Variants in PECR observed in about 807,000 individuals in gnomAD.
The protein encoded by PECR is 2,4-dienoyl-CoA reductase-related protein.
PECR carries 30 observed loss-of-function variants against 35.3 expected under a neutral mutation model. That is an observed-to-expected ratio of 0.85 (90% CI 0.64 to 1.15). PECR has a LOEUF of 1.15. Ranked by LOEUF, PECR falls within the 50% of genes most tolerant of loss-of-function variation. The probability of loss-of-function intolerance (pLI) is 0.00; values close to 1 mark genes in which losing one functional copy is unlikely to be tolerated. For synonymous variants in PECR, 148 were observed against 138.9 expected (o/e 1.07, Z -0.46); for missense variants, 392 against 370.8 (o/e 1.06, Z -0.47).
intron 1 of PECR, among the ~76,000 whole-genome samples, chr2:216,077,051 C>A (rs1257954048): frequency 2.6e-5 from 4 of 151,538 alleles, no homozygotes; most frequent in Non-Finnish European, 5.9e-5. Flanking sequence ...ACGCACGCAC[C>A]ACCTCGCCTG....
At chr2:216,065,233 G>A in intron 3 of PECR, 79 bp downstream of exon 3, 1 of 921,102 alleles carries the variant, frequency 1.1e-6, no homozygotes, top group Non-Finnish European at 1.8e-6. Flanking sequence ...TTAATGACAT[G>A]GGGCTTCTGA....
chr2:216,069,934 C>CAAAAA (rs35689726), intron 1 of PECR, among the ~76,000 whole-genome samples: 1 of 101,300 alleles, frequency 9.9e-6, no homozygotes, highest in Admixed American at 9.5e-5. Context: ...AAGACTCTGT[C>CAAAAA]AAAAAAAAAA....
intron 3 of PECR, among the ~76,000 whole-genome samples, chr2:216,060,028 A>G (rs1020365222): frequency 1.3e-5 from 2 of 152,190 alleles, no homozygotes; most frequent in African/African-American, 4.8e-5. Flanking sequence ...TAAACACTGA[A>G]TATTTTTACA....
At chr2:216,040,644 G>A (rs763402820) in intron 7 of PECR, among the ~76,000 whole-genome samples, 5 of 152,248 alleles carry the variant, frequency 3.3e-5, no homozygotes, top group African/African-American at 4.8e-5. Context: ...CGAGGCAGGC[G>A]GATCACCTGA....
intron 1 of PECR, among the ~76,000 whole-genome samples, chr2:216,067,811 A>C (rs915749539): frequency 5.9e-5 from 9 of 152,230 alleles, no homozygotes; most frequent in African/African-American, 2.2e-4. Flanking sequence ...ATTTATAAGA[A>C]TATAAAAATA....
chr2:216,072,931 A>G (rs1327209222), intron 1 of PECR, among the ~76,000 whole-genome samples: 1 of 152,166 alleles, frequency 6.6e-6, no homozygotes, highest in East Asian at 1.9e-4. Flanking sequence ...ATTCTTTGAG[A>G]AATCTCCATA....
chr2:216,054,902 G>A (rs916071959), intron 4 of PECR, among the ~76,000 whole-genome samples: 3 of 149,240 alleles, frequency 2.0e-5, no homozygotes, highest in African/African-American at 7.4e-5. Flanking sequence ...CACAAGGTCA[G>A]GAGTTCAAGA....
chr2:216,032,970 G>C (rs1007949823), intron 7 of PECR: 2 of 152,272 alleles, frequency 1.3e-5, no homozygotes, highest in East Asian at 3.9e-4. Flanking sequence ...GCTCAGACGG[G>C]CTGGTGTTCC....
At chr2:216,049,586 T>C (rs1437277967) in intron 5 of PECR, among the ~76,000 whole-genome samples, 1 of 152,206 alleles carries the variant, frequency 6.6e-6, no homozygotes, top group Non-Finnish European at 1.5e-5. Flanking sequence ...TTTTGTGACC[T>C]CCTCTTCCTC....
In PECR at chr2:216,039,163, T is replaced by C. The variant is rs560487483; in HGVS notation, c.*112A>G. ...TTTCCATAGATATAATTAATAACACTTAAAAATAAGAAAAATGTTTTCCAT... is the reference window on the plus strand; with the variant it reads ...TTTCCATAGATATAATTAATAACACCTAAAAATAAGAAAAATGTTTTCCAT... On this transcript the variant is annotated 3_prime_UTR_variant, in exon 8 of 8. Transcript: ENST00000265322. The C allele has an allele frequency of 1.0e-4, 72 of 722,624 alleles. No homozygotes were observed. The Admixed American group carries it at 1.1e-3, about 11-fold the overall frequency. The allele number at this position is 722,624 out of a possible 1,614,324, so 44.8% of individuals were successfully genotyped here. A position where few individuals can be genotyped will look rare whatever the true frequency, so the allele number is the denominator to read the frequency against.
Position 216,081,243 on chromosome 2 carries a change from CACA to C in PECR, c.124+372_124+374del, listed in dbSNP as rs1014306602. On this transcript the variant is annotated intron_variant, in intron 1 of 7. Coordinates refer to ENST00000265322, the MANE Select transcript of PECR (RefSeq NM_018441.6). ...GATACTATGAGAGACTCACTATGTTCACAACTTTTTCCAGTTAAATGAAGTCTT... is the reference window on the plus strand; with the variant it reads ...GATACTATGAGAGACTCACTATGTTCACTTTTTCCAGTTAAATGAAGTCTT... Among the ~76,000 whole-genome samples the C allele has an allele frequency of 8.5e-5, 13 of 152,310 alleles. 1 individual carries two copies. Among genetic ancestry groups the C allele is most frequent in the South Asian group, 8.3e-4 (4 of 4,824 alleles).
chr2:216,031,671 G>T (rs796810468), intron 7 of PECR, among the ~76,000 whole-genome samples: 2 of 79,036 alleles, frequency 2.5e-5, no homozygotes, highest in African/African-American at 1.1e-4. Flanking sequence ...AAGAAAGAAA[G>T]AAAGAAAGAA....
intron 5 of PECR, 52 bp downstream of exon 5, chr2:216,051,397 G>T: frequency 9.5e-7 from 1 of 1,056,026 alleles, no homozygotes; most frequent in South Asian, 1.2e-5. Flanking sequence ...ATCACAAATG[G>T]AATCAGAAAG....
intron 1 of PECR, among the ~76,000 whole-genome samples, chr2:216,067,089 C>T (rs1218563674): frequency 1.3e-5 from 2 of 151,968 alleles, no homozygotes; most frequent in East Asian, 3.9e-4. Context: ...GAGAAAGGTT[C>T]TACACTGCAG....
In PECR at chr2:216,049,271, G is replaced by C. The variant is rs1196072530; in HGVS notation, c.706C>G (p.Pro236Ala). ...CTGGAAATATACCTTACCTCCTCAG[G>C]AACACCAATTCGTTTAGCGGGGATT... The part of the protein sequence containing the change: ...QKIPAKRIGV[P>A]EEVSSVVCFL... Residue 236 changes from proline (P) to alanine (A), a missense_variant, in exon 6 of 8, where the codon CCT becomes GCT. Pro to Ala is a conservative substitution (Grantham distance 27). Coordinates refer to ENST00000265322, the MANE Select transcript of PECR (RefSeq NM_018441.6). The C allele has an allele frequency of 7.3e-6, 11 of 1,510,586 alleles. No homozygotes were observed. The East Asian group carries it at 2.5e-4, about 34-fold the overall frequency. The allele number at this position is 1,510,586 out of a possible 1,614,324, so 93.6% of individuals were successfully genotyped here. A position where few individuals can be genotyped will look rare whatever the true frequency, so the allele number is the denominator to read the frequency against.
intron 2 of PECR, among the ~76,000 whole-genome samples, chr2:216,066,158 C>A (rs957758331): frequency 6.6e-6 from 1 of 151,698 alleles, no homozygotes; most frequent in African/African-American, 2.4e-5. Flanking sequence ...ACTTAAAGGA[C>A]AAAAGGCCAT....
intron 1 of PECR, among the ~76,000 whole-genome samples, chr2:216,079,981 CAA>C (rs746269775): frequency 3.3e-4 from 28 of 85,410 alleles, no homozygotes; most frequent in Non-Finnish European, 2.9e-4. Flanking sequence ...AACTCCATCT[CAA>C]AAAAAAAAAA....
chr2:216,046,210 T>C (rs1156986118), intron 6 of PECR, among the ~76,000 whole-genome samples: 2 of 149,268 alleles, frequency 1.3e-5, no homozygotes, highest in Non-Finnish European at 3.0e-5. Flanking sequence ...AATGAATTAA[T>C]AATATTTCTT....
intron 6 of PECR, among the ~76,000 whole-genome samples, chr2:216,047,197 G>A (rs1279643197): frequency 6.6e-6 from 1 of 151,588 alleles, no homozygotes; most frequent in Non-Finnish European, 1.5e-5. Flanking sequence ...GGTAGAGGTT[G>A]TGGTGAGCCG....
Sources: gnomAD v4.1 joint callset for allele counts (sites outside exome capture counted in the v4.1 genomes callset) on GRCh38, gnomAD v4.1.1 for gene constraint, MANE v1.5 for transcripts, NCBI Gene and HGNC (gene_info 2026-07-23, HGNC 2026-07-21) for gene names.